Variants in DOCK2 observed in about 807,000 individuals in gnomAD.
DOCK2 encodes dedicator of cytokinesis protein 2.
DOCK2 carries 87 observed loss-of-function variants against 248.9 expected under a neutral mutation model. The observed-to-expected ratio is 0.35, with a 90% confidence interval of 0.29 to 0.42. DOCK2 has a LOEUF of 0.42. DOCK2 is among the 10% of genes least tolerant of loss of function. The pLI, the probability that DOCK2 is intolerant of heterozygous loss-of-function variation, is 1.00. For missense variants in DOCK2, 1,747 were observed against 2,300.2 expected, an observed-to-expected ratio of 0.76 and a Z score of 4.92; for synonymous variants, 805 against 821.6, an observed-to-expected ratio of 0.98 and a Z score of 0.35.
chr5:169,826,694 T>C (rs1186894377), intron 26 of DOCK2, among the ~76,000 whole-genome samples: 2 of 152,198 alleles, frequency 1.3e-5, no homozygotes, highest in Non-Finnish European at 2.9e-5. Flanking sequence ...GAGTTAGTTA[T>C]GTATTATTAG....
chr5:169,673,890 G>T (rs759077582), intron 5 of DOCK2, among the ~76,000 whole-genome samples: 1 of 152,132 alleles, frequency 6.6e-6, no homozygotes, highest in East Asian at 1.9e-4. Context: ...GGTGGTACGC[G>T]TGCCACACTT....
intron 20 of DOCK2, 142 bp from the exon 21 acceptor site, chr5:169,717,242 A>G (rs935148501): frequency 7.8e-6 from 5 of 640,226 alleles, no homozygotes; most frequent in Non-Finnish European, 1.4e-5. Flanking sequence ...GGAAGATGCT[A>G]CCTTAATAAA....
chr5:169,678,652 G>T (rs76227719), intron 6 of DOCK2, among the ~76,000 whole-genome samples: 4 of 152,178 alleles, frequency 2.6e-5, no homozygotes, highest in Non-Finnish European at 5.9e-5. Context: ...TTGAACGGCA[G>T]GTGATTTTGC....
chr5:169,707,480 A>C (rs1258979338), intron 14 of DOCK2, among the ~76,000 whole-genome samples: 2 of 152,198 alleles, frequency 1.3e-5, no homozygotes, highest in African/African-American at 4.8e-5. Context: ...CATGTCTGTC[A>C]TCACGTTGCC....
At chr5:170,065,808 G>A (rs1372967794) in intron 44 of DOCK2, among the ~76,000 whole-genome samples, 1 of 152,132 alleles carries the variant, frequency 6.6e-6, no homozygotes, top group East Asian at 1.9e-4. Context: ...TGAGAATTAT[G>A]GGAGCTACAA....
intron 22 of DOCK2, among the ~76,000 whole-genome samples, chr5:169,724,743 T>G (rs1280741024): frequency 3.8e-5 from 5 of 133,272 alleles, no homozygotes; most frequent in Non-Finnish European, 7.5e-5. Flanking sequence ...TCTGGTACTT[T>G]CTTTTGTCTT....
chr5:169,739,068 T>C (rs1003655948), intron 22 of DOCK2, among the ~76,000 whole-genome samples: 1 of 152,156 alleles, frequency 6.6e-6, no homozygotes, highest in Non-Finnish European at 1.5e-5. Flanking sequence ...GCAAGGAAAA[T>C]GTTAAAAGAA....
At chr5:169,832,265 A>C (rs866981669) in intron 26 of DOCK2, among the ~76,000 whole-genome samples, 14 of 152,322 alleles carry the variant, frequency 9.2e-5, no homozygotes, top group Middle Eastern at 3.4e-3. Context: ...ATTAGAACCC[A>C]CATCTTCTTT....
intron 46 of DOCK2, chr5:170,075,739 T>G: frequency 6.8e-6 from 4 of 587,686 alleles, no homozygotes; most frequent in African/African-American, 1.9e-5. Flanking sequence ...AAGCTGGGGG[T>G]CTTTCTCTCC....
At chr5:169,653,444 G>A (rs1757915099) in intron 1 of DOCK2, among the ~76,000 whole-genome samples, 1 of 152,186 alleles carries the variant, frequency 6.6e-6, no homozygotes, top group African/African-American at 2.4e-5. Context: ...GGGTTTGGAG[G>A]AGTCTGGAGA....
intron 27 of DOCK2, among the ~76,000 whole-genome samples, chr5:169,864,017 G>T (rs1488216496): frequency 6.6e-6 from 1 of 152,200 alleles, no homozygotes; most frequent in Non-Finnish European, 1.5e-5. Flanking sequence ...TTCTGGCTGA[G>T]TGTGACAGGG....
chr5:169,699,594 A>G, intron 12 of DOCK2, 136 bp downstream of exon 12: 4 of 856,322 alleles, frequency 4.7e-6, no homozygotes, highest in Non-Finnish European at 7.1e-6. Context: ...GAATGGGAAC[A>G]TATGATCTAC....
chr5:169,963,397 T>C (rs989834770), intron 27 of DOCK2, among the ~76,000 whole-genome samples: 5 of 152,148 alleles, frequency 3.3e-5, no homozygotes, highest in Non-Finnish European at 7.4e-5. Context: ...TCCCTCCCCA[T>C]CCAGAGAGTC....
chr5:169,915,670 T>A (rs1017278162), intron 27 of DOCK2, among the ~76,000 whole-genome samples: 1 of 151,880 alleles, frequency 6.6e-6, no homozygotes, highest in African/African-American at 2.4e-5. Flanking sequence ...TCCACTGATG[T>A]TCATTATTTA....
intron 27 of DOCK2, among the ~76,000 whole-genome samples, chr5:169,914,825 T>G (rs147091981): frequency 2.3e-3 from 346 of 152,342 alleles, no homozygotes; most frequent in African/African-American, 7.8e-3. Flanking sequence ...TCTGTTGACC[T>G]CTATAGACAC....
intron 22 of DOCK2, among the ~76,000 whole-genome samples, chr5:169,745,682 A>G (rs1763572902): frequency 6.6e-6 from 1 of 152,192 alleles, no homozygotes; most frequent in South Asian, 2.1e-4. Flanking sequence ...TGCCTGCCTC[A>G]TGCTGTGGTT....
At chr5:169,947,562 A>G (rs1289326449) in intron 27 of DOCK2, among the ~76,000 whole-genome samples, 2 of 152,222 alleles carry the variant, frequency 1.3e-5, no homozygotes, top group Admixed American at 6.5e-5. Context: ...CTGCCCTGGC[A>G]TCTGGGCCTT....
At chr5:169,726,206 G>C (rs1302771844) in intron 22 of DOCK2, among the ~76,000 whole-genome samples, 3 of 152,052 alleles carry the variant, frequency 2.0e-5, no homozygotes, top group Admixed American at 6.5e-5. Context: ...ATTCTAACTG[G>C]TGTGAGATGG....
intron 27 of DOCK2, among the ~76,000 whole-genome samples, chr5:169,976,836 A>G (rs978079812): frequency 6.6e-6 from 1 of 152,230 alleles, no homozygotes; most frequent in Non-Finnish European, 1.5e-5. Flanking sequence ...CATGTTGTAC[A>G]GATGGAACAT....
Sources: gnomAD v4.1 joint callset for allele counts (sites outside exome capture counted in the v4.1 genomes callset) on GRCh38, gnomAD v4.1.1 for gene constraint, MANE v1.5 for transcripts, NCBI Gene and HGNC (gene_info 2026-07-23, HGNC 2026-07-21) for gene names.